NDRG1: variants seen among roughly 807,000 people sequenced by gnomAD.
NDRG1 encodes the protein N-myc downstream regulated 1, also known as protein NDRG1.
NDRG1 carries 32 observed loss-of-function variants against 56.9 expected under a neutral mutation model. The observed-to-expected ratio is 0.56, with a 90% CI of 0.42 to 0.76. The LOEUF is 0.76. NDRG1 is among the 30% of genes least tolerant of loss of function. The pLI is 0.00. For missense variants in NDRG1, 507 were observed against 545.7 expected (o/e 0.93, Z 0.71); for synonymous variants, 211 against 204.1 (o/e 1.03, Z -0.29).
Position 133,238,903 on chromosome 8 carries a change from G to A in NDRG1, c.1160C>T (p.Pro387Leu), listed in dbSNP as rs749037086. ...NSGAAGNSAG[P>L]KSMEVSC is the part of the protein sequence containing the mutation. ...CTAGCAGGAGACCTCCATGGACTTG[G>A]GCCCGGCGCTGTTCCCAGCAGCACC... Residue 387 changes from proline (P) to leucine (L), a missense_variant, in exon 16 of 16, where the codon CCC (proline) becomes CTC (leucine). By Grantham distance (98) the Pro-to-Leu change is moderately conservative. Coordinates refer to ENST00000323851, the MANE Select transcript of NDRG1 (RefSeq NM_006096.4). The A allele has an allele frequency of 6.4e-7, 1 of 1,557,500 alleles. No homozygotes were observed. The highest frequency in any genetic ancestry group is 1.2e-5 in the South Asian group (1 of 84,590).
intron 8 of NDRG1, chr8:133,255,382 A>G: frequency 2.2e-6 from 1 of 456,306 alleles, no homozygotes; most frequent in Non-Finnish European, 4.4e-6. Context: ...TCTAATACCA[A>G]TGCCTGGTAA....
chr8:133,286,856 T>TG (rs1227748807), intron 1 of NDRG1, among the ~76,000 whole-genome samples: 3 of 152,150 alleles, frequency 2.0e-5, no homozygotes, highest in Non-Finnish European at 2.9e-5. Context: ...TGCACTAGTC[T>TG]GGGGGGACTG....
At position 133,259,343 on chromosome 8, in the gene NDRG1, AC is replaced by A. The variant is rs113590255; in HGVS notation, c.327-114del. 1,974 of 996,358 alleles carry A rather than the reference AC, an allele frequency of 2.0e-3. 24 individuals carry two copies. The African/African-American group carries it at 0.028, about 14-fold the overall frequency. 61.7% of individuals were successfully genotyped at this position (996,358 alleles called of 1,614,324 possible). A position where few individuals can be genotyped will look rare whatever the true frequency, so the allele number is the denominator to read the frequency against. On this transcript the variant is annotated intron_variant, in intron 5 of 15. Coordinates refer to ENST00000323851, the MANE Select transcript of NDRG1 (RefSeq NM_006096.4). ...GCAGCAGCCTGCCCCATGCACCCAG[AC>A]CCCCCCACCCCCAAGTCTAGTCCCT...
At chr8:133,256,891 G>A in intron 7 of NDRG1, 28 bp from the exon 8 acceptor site, 1 of 1,601,364 alleles carries the variant, frequency 6.2e-7, no homozygotes, top group Non-Finnish European at 8.6e-7. Flanking sequence ...AAGTGAGACA[G>A]ACATCCCAGC....
chr8:133,285,884 G>T (rs994581377), intron 1 of NDRG1, among the ~76,000 whole-genome samples: 1 of 152,236 alleles, frequency 6.6e-6, no homozygotes, highest in Admixed American at 6.5e-5. Flanking sequence ...AATTCAGCAG[G>T]TTCGTGGTCC....
intron 2 of NDRG1, among the ~76,000 whole-genome samples, chr8:133,283,467 A>T (rs1857926311): frequency 6.6e-6 from 1 of 151,750 alleles, no homozygotes; most frequent in African/African-American, 2.4e-5. Flanking sequence ...TCATCTTCAG[A>T]ACAATCAGCC....
At chr8:133,270,852 C>G (rs570218501) in intron 3 of NDRG1, among the ~76,000 whole-genome samples, 2 of 152,208 alleles carry the variant, frequency 1.3e-5, no homozygotes, top group African/African-American at 4.8e-5. Context: ...AGTTATCAGC[C>G]TTCTCTGACA....
At chr8:133,287,937 G>GCA (rs1858211612) in intron 1 of NDRG1, among the ~76,000 whole-genome samples, 1 of 143,590 alleles carries the variant, frequency 7.0e-6, no homozygotes, top group Non-Finnish European at 1.5e-5. Context: ...GTGCATGCGT[G>GCA]CACACACGCA....
At chr8:133,282,602 G>A (rs1857871648) in intron 2 of NDRG1, among the ~76,000 whole-genome samples, 1 of 152,218 alleles carries the variant, frequency 6.6e-6, no homozygotes, top group South Asian at 2.1e-4. Flanking sequence ...CAGACCCAGA[G>A]TTTAGAGGAC....
intron 11 of NDRG1, 146 bp downstream of exon 11, chr8:133,248,569 G>T: frequency 1.0e-6 from 1 of 1,002,512 alleles, no homozygotes; most frequent in Non-Finnish European, 1.6e-6. Context: ...AGTCAGGCTG[G>T]GTAATGCTCA....
intron 9 of NDRG1, among the ~76,000 whole-genome samples, chr8:133,252,610 A>C (rs891217668): frequency 6.7e-6 from 1 of 149,788 alleles, no homozygotes; most frequent in African/African-American, 2.5e-5. Context: ...TACACTCGCC[A>C]ACTCCGGAGT....
intron 14 of NDRG1, among the ~76,000 whole-genome samples, chr8:133,242,323 A>G (rs1041504225): frequency 2.6e-5 from 4 of 152,250 alleles, no homozygotes; most frequent in African/African-American, 9.6e-5. Flanking sequence ...AATACAGGGC[A>G]GAGTATCACA....
intron 15 of NDRG1, 167 bp from the exon 16 acceptor site, chr8:133,239,286 G>C (rs1564277621): frequency 2.7e-6 from 3 of 1,101,036 alleles, no homozygotes; most frequent in African/African-American, 3.1e-5. Flanking sequence ...TCCACTCGGA[G>C]AGAGAGATGG....
Position 133,256,830 on chromosome 8 carries a change from G to A in NDRG1, c.484C>T (p.Leu162Phe), listed in dbSNP as rs370228850. 1.2e-6 allele frequency: 2 copies of A among 1,614,038 alleles called. No individual in the cohort carries two copies. Among genetic ancestry groups the A allele is most frequent in the African/African-American group, 1.3e-5 (1 of 74,938 alleles). ...NNPEMVEGLV[L>F]INVNPCAEGW... is the part of the protein sequence containing the mutation. Reference sequence around the variant, plus strand: ...TCCGCACAAGGGTTCACGTTGATAAGGACAAGGCCCTCCACCATCTCAGGG... The same window carrying A: ...TCCGCACAAGGGTTCACGTTGATAAAGACAAGGCCCTCCACCATCTCAGGG... Residue 162 changes from leucine to phenylalanine, a missense_variant, in exon 8 of 16, where the codon CTT becomes TTT. Transcript: ENST00000323851.
chr8:133,258,281 T>C (rs1856482957), intron 7 of NDRG1, 85 bp downstream of exon 7: 1 of 1,383,006 alleles, frequency 7.2e-7, no homozygotes, highest in Admixed American at 2.0e-5. Context: ...TTTTCCCTTT[T>C]GGGTTTTTGA....
chr8:133,254,275 T>C (rs1856244114), intron 9 of NDRG1, among the ~76,000 whole-genome samples: 1 of 152,266 alleles, frequency 6.6e-6, no homozygotes, highest in Admixed American at 6.5e-5. Context: ...TTTACAAATG[T>C]ATATGCATGT....
chr8:133,280,185 A>T (rs1387152973), intron 3 of NDRG1, 47 bp downstream of exon 3: 3 of 1,606,612 alleles, frequency 1.9e-6, no homozygotes, highest in South Asian at 1.1e-5. Context: ...AAGGAAAAAG[A>T]GAAGACGGGA....
chr8:133,249,825 T>C (rs1189481499), intron 10 of NDRG1, among the ~76,000 whole-genome samples: 4 of 152,210 alleles, frequency 2.6e-5, no homozygotes, highest in Non-Finnish European at 5.9e-5. Context: ...AGATAAACAC[T>C]ATGAGGCTCA....
At chr8:133,272,218 C>T (rs1367508738) in intron 3 of NDRG1, among the ~76,000 whole-genome samples, 1 of 152,202 alleles carries the variant, frequency 6.6e-6, no homozygotes, top group Non-Finnish European at 1.5e-5. Flanking sequence ...CCTGGGAATA[C>T]AGCATGCAAC....
Sources: gnomAD v4.1 joint callset for allele counts (sites outside exome capture counted in the v4.1 genomes callset) on GRCh38, gnomAD v4.1.1 for gene constraint, MANE v1.5 for transcripts, NCBI Gene and HGNC (gene_info 2026-07-23, HGNC 2026-07-21) for gene names.